Variants in MAPK10 observed in about 807,000 individuals in gnomAD.
MAPK10 encodes JNK3 alpha protein kinase.
In MAPK10, 25 loss-of-function variants were observed where a neutral mutation model predicts 59.3. The observed-to-expected ratio is 0.42, with a 90% CI of 0.31 to 0.59. The LOEUF (loss-of-function observed/expected upper bound fraction) is 0.59, where lower values mean the gene tolerates loss of function less well. Among genes scored for constraint, MAPK10 ranks in the 20% least tolerant of loss-of-function variants. The pLI, the probability that MAPK10 is intolerant of heterozygous loss-of-function variation, is 0.15. For synonymous variants in MAPK10, 190 were observed against 200.5 expected, an observed-to-expected ratio of 0.95 and a Z score of 0.44; for missense variants, 351 against 568.9, an observed-to-expected ratio of 0.62 and a Z score of 3.90.
At chr4:86,316,181 A>G (rs576675925) in intron 2 of MAPK10, among the ~76,000 whole-genome samples, 1 of 152,314 alleles carries the variant, frequency 6.6e-6, no homozygotes, top group South Asian at 2.1e-4. Flanking sequence ...TACAACAAAG[A>G]AAAAGAGATA....
intron 1 of MAPK10, among the ~76,000 whole-genome samples, chr4:86,411,466 T>C (rs952996466): frequency 2.6e-5 from 4 of 152,228 alleles, no homozygotes; most frequent in Admixed American, 2.6e-4. Flanking sequence ...TTGTTAACAT[T>C]CTGTCTCATT....
At chr4:86,209,620 G>A (rs1329610353) in intron 2 of MAPK10, among the ~76,000 whole-genome samples, 4 of 151,940 alleles carry the variant, frequency 2.6e-5, no homozygotes, top group Non-Finnish European at 5.9e-5. Context: ...GAAAGAAATT[G>A]AAGAGAACAC....
chr4:86,115,493 C>T (rs150505380), intron 4 of MAPK10, among the ~76,000 whole-genome samples: 46 of 145,540 alleles, frequency 3.2e-4, no homozygotes, highest in Non-Finnish European at 5.2e-4. Context: ...GACAGTTTTG[C>T]TCTTGTTGCC....
At chr4:86,184,368 C>T (rs1377051126) in intron 3 of MAPK10, among the ~76,000 whole-genome samples, 1 of 152,110 alleles carries the variant, frequency 6.6e-6, no homozygotes, top group Non-Finnish European at 1.5e-5. Flanking sequence ...CTTGCAAGTG[C>T]TAGGGCCCAG....
chr4:86,240,584 T>C (rs2092652069), intron 2 of MAPK10, among the ~76,000 whole-genome samples: 1 of 152,162 alleles, frequency 6.6e-6, no homozygotes, highest in African/African-American at 2.4e-5. Flanking sequence ...CCCTTTATCG[T>C]TATGTAATGC....
At chr4:86,377,690 T>C (rs1390962787) in intron 1 of MAPK10, among the ~76,000 whole-genome samples, 1 of 152,162 alleles carries the variant, frequency 6.6e-6, no homozygotes, top group African/African-American at 2.4e-5. Context: ...GAATAAACAT[T>C]TTTAAGTCTC....
At chr4:86,532,079 TATACATATATATATAC>T (rs1757896290) in intron 1 of MAPK10, among the ~76,000 whole-genome samples, 1 of 147,526 alleles carries the variant, frequency 6.8e-6, no homozygotes, top group African/African-American at 2.5e-5. Flanking sequence ...TTTTTATATA[TATACATATATATATAC>T]ATACATATAT....
intron 1 of MAPK10, among the ~76,000 whole-genome samples, chr4:86,425,710 C>T (rs994384318): frequency 1.2e-4 from 18 of 152,282 alleles, no homozygotes; most frequent in African/African-American, 3.6e-4. Context: ...CAGTGATTCA[C>T]GCCTGTAATC....
At chr4:86,166,195 C>A (rs1258650032) in intron 3 of MAPK10, among the ~76,000 whole-genome samples, 1 of 152,162 alleles carries the variant, frequency 6.6e-6, no homozygotes, top group Admixed American at 6.5e-5. Flanking sequence ...CTATTTTCAA[C>A]AAATAAGAAA....
chr4:86,136,210 A>G (rs990617557), intron 4 of MAPK10, among the ~76,000 whole-genome samples: 3 of 152,134 alleles, frequency 2.0e-5, no homozygotes, highest in Non-Finnish European at 4.4e-5. Flanking sequence ...CCTCGAGAAG[A>G]GCAACTCCAA....
chr4:86,103,056 A>G, intron 6 of MAPK10, 130 bp downstream of exon 6: 2 of 590,670 alleles, frequency 3.4e-6, no homozygotes, highest in East Asian at 2.9e-5. Context: ...CTCTTTGAGC[A>G]GTATAAGGGA....
intron 1 of MAPK10, among the ~76,000 whole-genome samples, chr4:86,579,810 T>C (rs548107380): frequency 6.6e-6 from 1 of 152,178 alleles, no homozygotes; most frequent in East Asian, 1.9e-4. Context: ...ATGTTTTCTA[T>C]GTTTTAGATT....
At chr4:86,342,205 T>C (rs1459777195) in intron 2 of MAPK10, among the ~76,000 whole-genome samples, 1 of 152,122 alleles carries the variant, frequency 6.6e-6, no homozygotes, top group African/African-American at 2.4e-5. Context: ...GTGACCAGAA[T>C]AGAGTGATAA....
intron 2 of MAPK10, among the ~76,000 whole-genome samples, chr4:86,261,448 C>T (rs1431944549): frequency 6.6e-6 from 1 of 152,088 alleles, no homozygotes. Context: ...CCAACAAATC[C>T]CTAATTAGAA....
At chr4:86,568,613 C>CAGAA (rs1761227509) in intron 1 of MAPK10, among the ~76,000 whole-genome samples, 1 of 151,992 alleles carries the variant, frequency 6.6e-6, no homozygotes, top group African/African-American at 2.4e-5. Context: ...ATCAATGAGA[C>CAGAA]AGAATAGAGA....
intron 1 of MAPK10, chr4:86,392,311 C>G (rs568820123): frequency 6.6e-6 from 1 of 152,244 alleles, no homozygotes; most frequent in African/African-American, 2.4e-5. Flanking sequence ...CGCTGGCGCA[C>G]ACCTGTAGTC....
chr4:86,292,783 A>G (rs2095263086), intron 2 of MAPK10, among the ~76,000 whole-genome samples: 1 of 152,180 alleles, frequency 6.6e-6, no homozygotes, highest in African/African-American at 2.4e-5. Context: ...TCAAAGGGTG[A>G]GGACAGCTTT....
chr4:86,360,093 G>T, upstream of MAPK10: 1 of 985,858 alleles, frequency 1.0e-6, no homozygotes, highest in Non-Finnish European at 1.2e-6. Flanking sequence ...CTTGGGGAAT[G>T]GGGTTGCTAT....
At chr4:86,583,579 G>C (rs973075399) in intron 1 of MAPK10, among the ~76,000 whole-genome samples, 13 of 152,182 alleles carry the variant, frequency 8.5e-5, no homozygotes, top group Non-Finnish European at 1.5e-5. Flanking sequence ...CTGCAGTCCT[G>C]TTATGACTTT....
Sources: gnomAD v4.1 joint callset for allele counts (sites outside exome capture counted in the v4.1 genomes callset) on GRCh38, gnomAD v4.1.1 for gene constraint, MANE v1.5 for transcripts, NCBI Gene and HGNC (gene_info 2026-07-23, HGNC 2026-07-21) for gene names.